Variants in MLC1 observed in about 807,000 individuals in gnomAD.
MLC1 encodes modulator of VRAC current 1.
In MLC1, 32 loss-of-function variants were observed where a neutral mutation model predicts 44.7. The ratio of observed to expected loss-of-function variants is 0.72; its 90% confidence interval spans 0.54 to 0.96. The LOEUF is 0.96. MLC1 is among the 40% of genes least tolerant of loss of function. MLC1 has a pLI of 0.00. For synonymous variants in MLC1, 190 were observed against 213.0 expected, an observed-to-expected ratio of 0.89 and a Z score of 0.94; for missense variants, 459 against 492.2, an observed-to-expected ratio of 0.93 and a Z score of 0.64.
At chr22:50,065,368 CAA>C (rs71812068) in intron 10 of MLC1, among the ~76,000 whole-genome samples, 18,492 of 141,412 alleles carry the variant, frequency 0.13, 1,256 homozygotes, top group South Asian at 0.24. Context: ...TCCTCAGTCT[CAA>C]AAAAAAAAAA....
chr22:50,082,955 G>A (rs2062182981), intron 3 of MLC1, 129 bp downstream of exon 3: 3 of 948,758 alleles, frequency 3.2e-6, no homozygotes, highest in Non-Finnish European at 5.0e-6. Context: ...ATGAGCCACT[G>A]TGCCCGGCCC....
At chr22:50,067,072 G>A (rs1430272545) in intron 10 of MLC1, among the ~76,000 whole-genome samples, 1 of 152,150 alleles carries the variant, frequency 6.6e-6, no homozygotes, top group Non-Finnish European at 1.5e-5. Flanking sequence ...ATTGTCTCTT[G>A]TAATCGTGAA....
At chr22:50,079,802 A>G (rs1249876081) in intron 5 of MLC1, 116 bp downstream of exon 5, 2 of 822,986 alleles carry the variant, frequency 2.4e-6, no homozygotes, top group African/African-American at 3.3e-5. Context: ...AGTCAAACTC[A>G]CGAGCTGTGA....
chr22:50,076,761 T>G lies in MLC1; in HGVS notation c.597+80A>C, dbSNP rs139999640. 3 of 1,498,528 alleles carry G rather than the reference T, an allele frequency of 2.0e-6. No homozygotes were observed. The Middle Eastern group carries it at 5.1e-4, about 257-fold the overall frequency. The allele number at this position is 1,498,528 out of a possible 1,614,324, so 92.8% of individuals were successfully genotyped here. On this transcript the variant is annotated intron_variant, in intron 7 of 11. Transcript: ENST00000311597. The stretch of plus-strand genomic sequence containing the variant: ...CAGCCAACTCTTCGCCAACTCGGAA[T>G]CGAAACGTGACGTTTAATCCAGCCT...
chr22:50,081,215 T>G (rs137927), intron 3 of MLC1, among the ~76,000 whole-genome samples: 1 of 151,336 alleles, frequency 6.6e-6, no homozygotes, highest in Non-Finnish European at 1.5e-5. Context: ...TGGTGGCGGG[T>G]GCCTGTAGTC....
rs747345174 is a variant in MLC1, at chr22:50,079,970, G to A, written c.371C>T (p.Thr124Met). 12 of 1,614,052 alleles carry A rather than the reference G, an allele frequency of 7.4e-6. No homozygotes were observed. The highest frequency in any genetic ancestry group is 1.3e-5 in the African/African-American group (1 of 74,942). The change falls in exon 5 of 12, where the codon ACG becomes ATG. Residue 124 changes from threonine to methionine, a missense_variant. Coordinates refer to ENST00000311597, the MANE Select transcript of MLC1 (RefSeq NM_015166.4). ...LFVSTFAVTT[T>M]CLIWFGCKLV... is the part of the protein sequence containing the mutation. The stretch of plus-strand genomic sequence containing the variant: ...TTTGCATCCAAACCAAATTAAACAC[G>A]TAGTGGTCACAGCAAACGTGGAAAC...
In MLC1 at chr22:50,084,919, A is replaced by G. The variant is rs374939087; in HGVS notation, c.-17T>C. The G allele has an allele frequency of 2.7e-5, 43 of 1,609,366 alleles. No homozygotes were observed. The highest frequency in any genetic ancestry group is 5.3e-5 in the African/African-American group (4 of 74,948). On this transcript the variant is annotated 5_prime_UTR_variant, in exon 2 of 12. Transcript: ENST00000311597. ...CTGGGTCATGGCACTTGGGGACACC[A>G]CAGCTGTGCTGAATGTACAGCCACG...
intron 10 of MLC1, among the ~76,000 whole-genome samples, chr22:50,066,655 AT>A (rs1239118556): frequency 6.8e-6 from 1 of 147,506 alleles, no homozygotes; most frequent in African/African-American, 2.5e-5. Context: ...GTGAGACTCT[AT>A]CTTAAAAAAA....
chr22:50,085,064 G>T, intron 1 of MLC1, 103 bp from the exon 2 acceptor site: 6 of 1,449,892 alleles, frequency 4.1e-6, no homozygotes, highest in Non-Finnish European at 5.5e-6. Flanking sequence ...ATACTGAAGT[G>T]CTCTAAATTT....
Position 50,061,609 on chromosome 22 carries a change from C to T in MLC1, c.1108G>A (p.Ala370Thr). The change falls in exon 12 of 12, where the codon GCC becomes ACC. Residue 370 changes from alanine to threonine, a missense_variant. Transcript: ENST00000311597. The part of the protein sequence containing the change: ...KEFDKEKAWR[A>T]VVVQMAQ ...CACTGGGCCATTTGCACCACGACGG[C>T]TCTCCAGGCTTTCTCCTTGTCGAAC... 6.2e-7 allele frequency: 1 copy of T among 1,613,882 alleles called. No homozygotes were observed. Among genetic ancestry groups the T allele is most frequent in the Non-Finnish European group, 8.5e-7 (1 of 1,180,022 alleles).
At chr22:50,075,382 C>T (rs940561330) in intron 7 of MLC1, among the ~76,000 whole-genome samples, 14 of 152,148 alleles carry the variant, frequency 9.2e-5, no homozygotes, top group African/African-American at 2.7e-4. Context: ...CCAGGCCTTG[C>T]GTCCAGAAGG....
chr22:50,077,792 G>A (rs547009559), intron 5 of MLC1, among the ~76,000 whole-genome samples: 2 of 152,278 alleles, frequency 1.3e-5, no homozygotes, highest in South Asian at 2.1e-4. Flanking sequence ...CATTCTGAAC[G>A]CTCCTTGTTC....
chr22:50,068,725 CTTT>C (rs765426637), intron 9 of MLC1, among the ~76,000 whole-genome samples, 170 bp from the exon 10 acceptor site: 71 of 105,238 alleles, frequency 6.7e-4, no homozygotes, highest in African/African-American at 2.0e-3. Context: ...TTTTCTTTTT[CTTT>C]TTTTTTTTTT....
At chr22:50,071,733 C>T (rs187933409) in intron 8 of MLC1, among the ~76,000 whole-genome samples, 126 of 152,308 alleles carry the variant, frequency 8.3e-4, no homozygotes, top group African/African-American at 2.9e-3. Context: ...CTTTTTATAA[C>T]CAAGAAATGC....
chr22:50,077,309 G>A (rs1158804869), intron 6 of MLC1, 92 bp downstream of exon 6: 2 of 1,129,558 alleles, frequency 1.8e-6, no homozygotes, highest in East Asian at 2.5e-5. Flanking sequence ...AGCCCAGATC[G>A]GCCCTCCGAG....
At chr22:50,081,165 C>T (rs2146918282) in intron 3 of MLC1, among the ~76,000 whole-genome samples, 1 of 152,012 alleles carries the variant, frequency 6.6e-6, no homozygotes, top group African/African-American at 2.4e-5. Context: ...CATAGTGAAA[C>T]CCCATCTCTA....
chr22:50,069,183 C>T (rs111703009), intron 9 of MLC1, among the ~76,000 whole-genome samples: 11 of 152,006 alleles, frequency 7.2e-5, no homozygotes, highest in African/African-American at 2.7e-4. Flanking sequence ...TGCGCCACCA[C>T]ACCTGGCTAA....
chr22:50,073,026 G>A (rs993872124), intron 8 of MLC1, among the ~76,000 whole-genome samples: 1 of 151,964 alleles, frequency 6.6e-6, no homozygotes, highest in Non-Finnish European at 1.5e-5. Flanking sequence ...GCCCCTTCTC[G>A]GCAGTCCACC....
At chr22:50,085,264 G>T in intron 1 of MLC1, 91 bp downstream of exon 1, 2 of 1,155,506 alleles carry the variant, frequency 1.7e-6, no homozygotes, top group Non-Finnish European at 2.2e-6. Context: ...TCACGCCGGG[G>T]ACTCAAGCAC....
Sources: allele counts gnomAD v4.1 joint callset (sites outside exome capture counted in the v4.1 genomes callset), GRCh38; gene constraint gnomAD v4.1.1; transcripts MANE v1.5; gene names NCBI Gene and HGNC (gene_info 2026-07-23, HGNC 2026-07-21).